Variants in SFTPB observed in about 807,000 individuals in gnomAD.
SFTPB encodes the protein surfactant protein B.
A neutral mutation model predicts 51.0 loss-of-function variants in SFTPB; 32 were observed. The observed-to-expected ratio is 0.63, with a 90% CI of 0.47 to 0.84. SFTPB has a LOEUF of 0.84. SFTPB is among the 40% of genes least tolerant of loss of function. The pLI, the probability that SFTPB is intolerant of heterozygous loss-of-function variation, is 0.00. For missense variants in SFTPB, 431 were observed against 491.2 expected (o/e 0.88, Z 1.16); for synonymous variants, 211 against 208.5 (o/e 1.01, Z -0.10).
In SFTPB at chr2:85,663,522, G is replaced by A. The variant is rs536326441; in HGVS notation, c.857-31C>T. The A allele has an allele frequency of 7.4e-6, 12 of 1,612,596 alleles. No individual in the cohort carries two copies. The East Asian group carries it at 2.7e-4, about 36-fold the overall frequency. ...GATGTGAGCATTAGGGGGAAAGCAG[G>A]CAAGGCCACCCTACAGAGGTGTTTG... is the stretch of plus-strand genomic sequence containing the variant. On this transcript the variant is annotated intron_variant, in intron 7 of 10. Transcript: ENST00000519937.
chr2:85,665,562 G>T, intron 5 of SFTPB, 44 bp downstream of exon 5: 1 of 1,605,506 alleles, frequency 6.2e-7, no homozygotes. Flanking sequence ...GGTGGCTCTA[G>T]CCCTCTGGAT....
rs367966703 is a variant in SFTPB, at chr2:85,658,984, C to T, written c.*718G>A. On this transcript the variant is annotated 3_prime_UTR_variant, in exon 11 of 11. Coordinates refer to ENST00000519937, the MANE Select transcript of SFTPB (RefSeq NM_000542.5). ...ATAAATCACAGCAGAAATAGAATCA[C>T]CCTAGGACTTTCAATCAAAAGCTGG... The T allele has an allele frequency of 6.6e-6, 1 of 152,068 alleles. No homozygotes were observed. The highest frequency in any genetic ancestry group is 2.4e-5 in the African/African-American group (1 of 41,392). 9.4% of individuals were successfully genotyped at this position (152,068 alleles called of 1,614,324 possible).
At position 85,665,808 on chromosome 2, in the gene SFTPB, C is replaced by T. The variant is rs772485307; in HGVS notation, c.394-14G>A. ...GCCGTTTGAGTCCTGGGGCACAGCACAGGGTGGGAGTGTTAGGGTCTGGGA... is the reference window on the plus strand; with the variant it reads ...GCCGTTTGAGTCCTGGGGCACAGCATAGGGTGGGAGTGTTAGGGTCTGGGA... On this transcript the variant is annotated splice_polypyrimidine_tract_variant and intron_variant, in intron 4 of 10. Coordinates refer to ENST00000519937, the MANE Select transcript of SFTPB (RefSeq NM_000542.5). 2.3e-5 allele frequency: 37 copies of T among 1,613,890 alleles called. No individual in the cohort carries two copies. The highest frequency in any genetic ancestry group is 3.0e-5 in the Non-Finnish European group (35 of 1,179,912).
intron 6 of SFTPB, among the ~76,000 whole-genome samples, chr2:85,664,178 C>T (rs1467817845): frequency 6.6e-6 from 1 of 152,180 alleles, no homozygotes; most frequent in African/African-American, 2.4e-5. Context: ...TCCTCTCCTG[C>T]ACTTCACACA....
chr2:85,663,531 C>T, intron 7 of SFTPB, 40 bp from the exon 8 acceptor site: 1 of 1,611,044 alleles, frequency 6.2e-7, no homozygotes, highest in Non-Finnish European at 8.5e-7. Context: ...GGCAAGGCCA[C>T]CCTACAGAGG....
Position 85,663,746 on chromosome 2 carries a change from G to T in SFTPB, c.774C>A (p.Leu258=). Residue 258 remains leucine (L), a synonymous_variant, in exon 7 of 11, where the codon CTC becomes CTA. Transcript: ENST00000519937. ...GCAGCATGCGGCCCAGCAGCGTGTC[G>T]AGCAGGATGACGGAGTAGCGCTCAG... ...CLAERYSVIL[L]DTLLGRMLPQ... The T allele has an allele frequency of 5.6e-6, 9 of 1,610,362 alleles. No homozygotes were observed. Among genetic ancestry groups the T allele is most frequent in the Non-Finnish European group, 7.6e-6 (9 of 1,178,658 alleles).
Position 85,663,835 on chromosome 2 carries a change from CAGCT to C in SFTPB, c.681_684del (p.Ala228TrpfsTer77). On this transcript the variant is annotated frameshift_variant, in exon 7 of 11. Transcript: ENST00000519937. LOFTEE classifies it high-confidence loss of function. ...ACGCGGCACACCTGGGCCACTGCCA[CAGCT>C]AGCGCACCCTGGGGCGGGGGCGGAG... 6.3e-7 allele frequency: 1 copy of C among 1,587,900 alleles called. No homozygotes were observed. The highest frequency in any genetic ancestry group is 8.5e-7 in the Non-Finnish European group (1 of 1,170,540).
Position 85,666,682 on chromosome 2 carries a change from G to T in SFTPB, c.328C>A (p.Pro110Thr). ...TCGTCAAGCACTTGGTTGCACTGGG[G>T]CATGAGCAGCTTCAAGGGGAGGACG... ...CNVLPLKLLMPQCNQVLDDYF... is the reference protein window; with the variant it reads ...CNVLPLKLLMTQCNQVLDDYF... The change falls in exon 4 of 11, where the codon CCC (proline) becomes ACC (threonine). Residue 110 changes from proline (P) to threonine (T), a missense_variant. Pro to Thr is a conservative substitution (Grantham distance 38). Coordinates refer to ENST00000519937, the MANE Select transcript of SFTPB (RefSeq NM_000542.5). 1 of 1,613,848 alleles carries T rather than the reference G, an allele frequency of 6.2e-7. No homozygotes were observed. The highest frequency in any genetic ancestry group is 8.5e-7 in the Non-Finnish European group (1 of 1,179,836).
chr2:85,661,260 C>G (rs192809428), intron 10 of SFTPB, 194 bp downstream of exon 10: 11 of 494,532 alleles, frequency 2.2e-5, no homozygotes, highest in African/African-American at 1.8e-4. Context: ...GGGCAGTGCT[C>G]GGGGTCCGGA....
At chr2:85,668,675 T>A, upstream of SFTPB, 1 of 165,032 alleles carries the variant, frequency 6.1e-6, no homozygotes, top group Non-Finnish European at 1.3e-5. Context: ...CCTCCTTACC[T>A]TTTCCCCTGG....
rs1677406819 is a variant in SFTPB, at chr2:85,663,418, C to T, written c.930G>A (p.Gly310=). The T allele has an allele frequency of 6.2e-7, 1 of 1,613,904 alleles. No homozygotes were observed. Among genetic ancestry groups the T allele is most frequent in the Non-Finnish European group, 8.5e-7 (1 of 1,180,044 alleles). The change falls in exon 8 of 11, where the codon GGG becomes GGA. Residue 310 remains glycine, a synonymous_variant. Transcript: ENST00000519937. ...GTGGTATGGCCTGCTCGCTGCTGTT[C>T]CCGGCCTGGGTGGTCACGGACATGC... ...HLCMSVTTQA[G]NSSEQAIPQA...
In SFTPB at chr2:85,665,358, G is replaced by T. The variant is rs190610109; in HGVS notation, c.603C>A (p.Phe201Leu). Residue 201 changes from phenylalanine to leucine, a missense_variant, in exon 6 of 11, where the codon TTC becomes TTA. Physicochemically the swap from Phe to Leu is conservative, Grantham distance 22 (BLOSUM62 0). Coordinates refer to ENST00000519937, the MANE Select transcript of SFTPB (RefSeq NM_000542.5). Reference sequence around the variant, plus strand: ...GCCAGCAATAGGGGAGAGGAATGGGGAATTGCTGCTCGGAGAGATCCTGGG... The same window carrying T: ...GCCAGCAATAGGGGAGAGGAATGGGTAATTGCTGCTCGGAGAGATCCTGGG... ...PHTQDLSEQQ[F>L]PIPLPYCWLC... 1 of 1,614,052 alleles carries T rather than the reference G, an allele frequency of 6.2e-7. No individual in the cohort carries two copies. The highest frequency in any genetic ancestry group is 2.2e-5 in the East Asian group (1 of 44,876).
In SFTPB at chr2:85,666,621, T is replaced by C; in HGVS notation, c.389A>G (p.Gln130Arg). 1 of 1,613,492 alleles carries C rather than the reference T, an allele frequency of 6.2e-7. No individual in the cohort carries two copies. Among genetic ancestry groups the C allele is most frequent in the Non-Finnish European group, 8.5e-7 (1 of 1,179,710 alleles). Residue 130 changes from glutamine to arginine, a missense_variant, in exon 4 of 11, where the codon CAG (glutamine) becomes CGG (arginine). Transcript: ENST00000519937. ...AGGTGAGCTTGCAGCCCTCACAGTC[T>C]GGTTCTGGAAGTAGTCGATGACCAG... ...FPLVIDYFQN[Q>R]TDSNGICMHL...
chr2:85,662,388 A>G (rs1677351506), intron 8 of SFTPB: 1 of 965,764 alleles, frequency 1.0e-6, no homozygotes, highest in Non-Finnish European at 1.4e-6. Flanking sequence ...CCTCCATTTC[A>G]GTTCTAGAAG....
intron 6 of SFTPB, among the ~76,000 whole-genome samples, chr2:85,664,318 G>A (rs1287377537): frequency 6.6e-6 from 1 of 152,124 alleles, no homozygotes; most frequent in East Asian, 1.9e-4. Flanking sequence ...GTGTGTAAAA[G>A]TCACTTTGGA....
Position 85,657,484 on chromosome 2 carries a change from A to T in SFTPB, c.*2218T>A, listed in dbSNP as rs1677108221. ...CCAATGAATTGTGTGTCTCATCCCC[A>T]GGCCCAAGAGCAGGCTGCATAGACA... On this transcript the variant is annotated 3_prime_UTR_variant, in exon 11 of 11. Coordinates refer to ENST00000519937, the MANE Select transcript of SFTPB (RefSeq NM_000542.5). 2.6e-5 allele frequency: 4 copies of T among 152,232 alleles called. No homozygotes were observed. Among genetic ancestry groups the T allele is most frequent in the Admixed American group, 2.6e-4 (4 of 15,284 alleles). The allele number at this position is 152,232 out of a possible 1,614,324, so 9.4% of individuals were successfully genotyped here. A position where few individuals can be genotyped will look rare whatever the true frequency, so the allele number is the denominator to read the frequency against.
At chr2:85,661,665 C>A (rs1677307383) in intron 9 of SFTPB, 130 bp from the exon 10 acceptor site, 2 of 735,400 alleles carry the variant, frequency 2.7e-6, no homozygotes, top group East Asian at 2.7e-5. Flanking sequence ...TCTGTAGACC[C>A]CTCGGGCCAC....
Position 85,658,066 on chromosome 2 carries a change from T to G in SFTPB, c.*1636A>C, listed in dbSNP as rs1677131639. 1 of 152,294 alleles carries G rather than the reference T, an allele frequency of 6.6e-6. No homozygotes were observed. Among genetic ancestry groups the G allele is most frequent in the Non-Finnish European group, 1.5e-5 (1 of 68,062 alleles). 9.4% of individuals were successfully genotyped at this position (152,294 alleles called of 1,614,324 possible). ...CTATTTTCACTTCTTTTGTGGATCT[T>G]CAGTTGCTTCAGGCCATCTGGGTGT... On this transcript the variant is annotated 3_prime_UTR_variant, in exon 11 of 11. Transcript: ENST00000519937.
intron 6 of SFTPB, among the ~76,000 whole-genome samples, chr2:85,664,775 G>T (rs933516096): frequency 6.6e-6 from 1 of 152,258 alleles, no homozygotes; most frequent in Non-Finnish European, 1.5e-5. Context: ...TCTGGGAAAG[G>T]CTGAGGGGGC....
Sources: gnomAD v4.1 joint callset for allele counts (sites outside exome capture counted in the v4.1 genomes callset) on GRCh38, gnomAD v4.1.1 for gene constraint, MANE v1.5 for transcripts, NCBI Gene and HGNC (gene_info 2026-07-23, HGNC 2026-07-21) for gene names.